Variants in KMT2C observed in about 807,000 individuals in gnomAD.
The protein encoded by KMT2C is lysine methyltransferase 2C, also known as histone-lysine N-methyltransferase 2C.
KMT2C carries 88 observed loss-of-function variants against 507.9 expected under a neutral mutation model. That is an observed-to-expected ratio of 0.17 (90% confidence interval 0.15 to 0.21). KMT2C has a LOEUF of 0.21. Ranked by LOEUF, KMT2C falls within the 10% of genes least tolerant of loss-of-function variation. The pLI, the probability that KMT2C is intolerant of heterozygous loss-of-function variation, is 1.00. For missense variants in KMT2C, 4,954 were observed against 5,957.8 expected (o/e 0.83, Z 5.55); for synonymous variants, 2,049 against 2,080.8 (o/e 0.98, Z 0.42).
chr7:152,195,521 C>T (rs2093936208), intron 28 of KMT2C: 5 of 984,772 alleles, frequency 5.1e-6, no homozygotes, highest in Non-Finnish European at 6.0e-6. Flanking sequence ...CAGTTTCTTA[C>T]CAAATGGAAA....
chr7:152,416,573 A>C (rs2097738767), intron 1 of KMT2C, among the ~76,000 whole-genome samples: 1 of 151,402 alleles, frequency 6.6e-6, no homozygotes, highest in African/African-American at 2.4e-5. Flanking sequence ...ACAACAACAA[A>C]AAATTAGCCA....
At chr7:152,147,729 GAA>G (rs1022769998) in intron 52 of KMT2C, among the ~76,000 whole-genome samples, 3 of 114,702 alleles carry the variant, frequency 2.6e-5, no homozygotes, top group East Asian at 3.0e-4. Flanking sequence ...AAAAAAAAAA[GAA>G]AAAGAAAAAG....
chr7:152,430,135 G>T (rs1247388401), intron 1 of KMT2C, among the ~76,000 whole-genome samples: 5 of 148,820 alleles, frequency 3.4e-5, no homozygotes. Flanking sequence ...CCAGGATCAC[G>T]CCACTGCACT....
chr7:152,359,105 C>A (rs1012364143), intron 1 of KMT2C, among the ~76,000 whole-genome samples: 1 of 151,860 alleles, frequency 6.6e-6, no homozygotes, highest in South Asian at 2.1e-4. Context: ...TTTTTAAAAG[C>A]TTTGTAAAAG....
chr7:152,350,589 T>A (rs1198329447), intron 2 of KMT2C, among the ~76,000 whole-genome samples: 1 of 152,264 alleles, frequency 6.6e-6, no homozygotes, highest in South Asian at 2.1e-4. Context: ...ATGGTAAGAA[T>A]ACAGTGTAAA....
intron 6 of KMT2C, among the ~76,000 whole-genome samples, chr7:152,275,250 GAT>G (rs2096060950): frequency 6.6e-6 from 1 of 152,124 alleles, no homozygotes; most frequent in South Asian, 2.1e-4. Context: ...AAAAGAAAGA[GAT>G]ACAAAAATTT....
At chr7:152,266,973 C>T (rs2095868675) in intron 7 of KMT2C, among the ~76,000 whole-genome samples, 1 of 152,104 alleles carries the variant, frequency 6.6e-6, no homozygotes, top group Non-Finnish European at 1.5e-5. Flanking sequence ...CACTTTGTAG[C>T]ATTTGCATTG....
Position 152,177,410 on chromosome 7 carries a change from A to C in KMT2C, c.8043T>G (p.Pro2681=). The C allele has an allele frequency of 6.2e-7, 1 of 1,614,176 alleles. No homozygotes were observed. The highest frequency in any genetic ancestry group is 8.5e-7 in the Non-Finnish European group (1 of 1,180,034). The change falls in exon 38 of 59, where the codon CCT becomes CCG. Residue 2681 remains proline (P), a synonymous_variant. Transcript: ENST00000262189. ...TSDNLQITTQ[P]SDGLEEKLDS... ...CAAGTTTTTCCTCTAGACCATCAGAAGGCTGGGTGGTTATCTGTAAATTAT... is the reference window on the plus strand; with the variant it reads ...CAAGTTTTTCCTCTAGACCATCAGACGGCTGGGTGGTTATCTGTAAATTAT...
Position 152,152,924 on chromosome 7 carries a change from C to T in KMT2C, c.12307G>A (p.Asp4103Asn), listed in dbSNP as rs1221667616. Residue 4103 changes from aspartate (D) to asparagine (N), a missense_variant, in exon 49 of 59, where the codon GAC becomes AAC. By Grantham distance (23) the Asp-to-Asn change is conservative. Transcript: ENST00000262189. ...NISSVVAAFSDLLHVRIPNSY... is the reference protein window; with the variant it reads ...NISSVVAAFSNLLHVRIPNSY... ...TTAGGGATTCGGACGTGAAGAAGGT[C>T]GGAAAATGCAGCCACAACACTGCTA... 12 of 1,614,132 alleles carry T rather than the reference C, an allele frequency of 7.4e-6. No homozygotes were observed. Among genetic ancestry groups the T allele is most frequent in the East Asian group, 2.2e-5 (1 of 44,880 alleles).
At chr7:152,344,908 AC>A in intron 2 of KMT2C, among the ~76,000 whole-genome samples, 1 of 152,174 alleles carries the variant, frequency 6.6e-6, no homozygotes, top group Admixed American at 6.5e-5. Flanking sequence ...AATGGCGTGA[AC>A]CCAGGAGGCG....
chr7:152,433,516 C>CA (rs1258057137), intron 1 of KMT2C, among the ~76,000 whole-genome samples: 12 of 151,638 alleles, frequency 7.9e-5, no homozygotes, highest in African/African-American at 1.9e-4. Context: ...GACACAATTT[C>CA]AAAAAAAACG....
At chr7:152,388,999 C>T (rs1220344363) in intron 1 of KMT2C, among the ~76,000 whole-genome samples, 1 of 152,152 alleles carries the variant, frequency 6.6e-6, no homozygotes, top group African/African-American at 2.4e-5. Flanking sequence ...CCGCCTACCT[C>T]GGACTCCCAA....
At chr7:152,432,214 A>C (rs368624590) in intron 1 of KMT2C, among the ~76,000 whole-genome samples, 3 of 152,172 alleles carry the variant, frequency 2.0e-5, no homozygotes, top group African/African-American at 7.2e-5. Context: ...AACCACCCCC[A>C]TCCCCCACAC....
chr7:152,140,361 T>C (rs2090399110), intron 55 of KMT2C, among the ~76,000 whole-genome samples: 1 of 152,132 alleles, frequency 6.6e-6, no homozygotes, highest in Non-Finnish European at 1.5e-5. Context: ...AATTTTTCAC[T>C]AATACAAAAT....
In KMT2C at chr7:152,285,965, A is replaced by T. The variant is rs192130937; in HGVS notation, c.850-12098T>A. ...GCGCCATTGCACTCCAGCCTGGGAG[A>T]CAAAGACCCTGTCTCAAAAGAAAAG... On this transcript the variant is annotated intron_variant, in intron 6 of 58. Coordinates refer to ENST00000262189, the MANE Select transcript of KMT2C (RefSeq NM_170606.3). 1.5e-3 allele frequency among the ~76,000 whole-genome samples: 233 copies of T among 152,392 alleles called. 1 individual carries two copies. Among genetic ancestry groups the T allele is most frequent in the African/African-American group, 5.3e-3 (222 of 41,596 alleles).
chr7:152,304,923 GATAGCAGAAATTTTCCTTGGCTCCT>G (rs1218521829), intron 6 of KMT2C, among the ~76,000 whole-genome samples: 7 of 152,156 alleles, frequency 4.6e-5, no homozygotes, highest in African/African-American at 1.7e-4. Context: ...AAACTTTTGT[GATAGCAGAAATTTTCCTTGGCTCCT>G]CCTTCCCAAT....
intron 1 of KMT2C, among the ~76,000 whole-genome samples, chr7:152,421,534 T>C (rs1180354579): frequency 6.6e-6 from 1 of 152,148 alleles, no homozygotes; most frequent in Non-Finnish European, 1.5e-5. Flanking sequence ...ACATGGTACA[T>C]ATACGAGACA....
intron 3 of KMT2C, among the ~76,000 whole-genome samples, chr7:152,326,752 G>T (rs924689947): frequency 6.6e-6 from 1 of 152,060 alleles, no homozygotes. Flanking sequence ...GTGGTGGCAG[G>T]CGCCTGTGGT....
chr7:152,163,538 T>G lies in KMT2C; in HGVS notation c.10039A>C (p.Asn3347His). The G allele has an allele frequency of 1.9e-6, 3 of 1,611,392 alleles. No individual in the cohort carries two copies. Among genetic ancestry groups the G allele is most frequent in the Non-Finnish European group, 2.5e-6 (3 of 1,178,186 alleles). The change falls in exon 43 of 59, where the codon AAT becomes CAT. Residue 3347 changes from asparagine to histidine, a missense_variant. This residue lies in a region of KMT2C where 801 missense variants were observed against 751.2 expected (regional missense o/e 1.07). Transcript: ENST00000262189. ...ATTGGGGGCTGAATTCTAGGAGGAT[T>G]GAGGGGCAGGTGGGCAGGAGCACTG... ...PNSAPAHLPL[N>H]PPRIQPPIAQ...
Sources: gnomAD v4.1 joint callset for allele counts (sites outside exome capture counted in the v4.1 genomes callset) on GRCh38, gnomAD v4.1.1 for gene constraint, gnomAD v4.1.1 regional missense constraint, MANE v1.5 for transcripts, NCBI Gene and HGNC (gene_info 2026-07-23, HGNC 2026-07-21) for gene names.